Variants in ARPP21 observed in about 807,000 individuals in gnomAD.
ARPP21 encodes the protein cAMP regulated phosphoprotein 21.
Under a neutral mutation model 113.2 loss-of-function variants are expected in ARPP21, and 69 were observed. The ratio of observed to expected loss-of-function variants is 0.61; its 90% confidence interval spans 0.50 to 0.74. The LOEUF (loss-of-function observed/expected upper bound fraction) is 0.74, where lower values mean the gene tolerates loss of function less well. Among genes scored for constraint, ARPP21 ranks in the 30% least tolerant of loss-of-function variants. The pLI, the probability that ARPP21 is intolerant of heterozygous loss-of-function variation, is 0.00. For synonymous variants in ARPP21, 368 were observed against 375.5 expected (o/e 0.98, Z 0.23); for missense variants, 1,070 against 1,037.4 (o/e 1.03, Z -0.43).
chr3:35,664,085 G>A (rs917987918), intron 1 of ARPP21, among the ~76,000 whole-genome samples: 6 of 152,140 alleles, frequency 3.9e-5, no homozygotes, highest in Non-Finnish European at 5.9e-5. Flanking sequence ...AAAAAAGCTT[G>A]CAGACAATAT....
At chr3:35,653,596 A>C (rs1703446344) in intron 1 of ARPP21, among the ~76,000 whole-genome samples, 1 of 152,072 alleles carries the variant, frequency 6.6e-6, no homozygotes, top group African/African-American at 2.4e-5. Context: ...CCCCGGTGTC[A>C]TAGGAAGGGG....
intron 19 of ARPP21, among the ~76,000 whole-genome samples, chr3:35,768,826 G>T (rs2096082046): frequency 6.6e-6 from 1 of 152,136 alleles, no homozygotes; most frequent in Non-Finnish European, 1.5e-5. Flanking sequence ...CATGTTATCA[G>T]AGTATCCTTT....
chr3:35,739,905 G>A (rs969484818), intron 18 of ARPP21, among the ~76,000 whole-genome samples: 1 of 152,202 alleles, frequency 6.6e-6, no homozygotes, highest in Admixed American at 6.5e-5. Context: ...GGAAGGAAAA[G>A]CCTTGGGGAA....
At position 35,640,260 on chromosome 3, in the gene ARPP21, CAAA is replaced by C. The variant is rs1157732183; in HGVS notation, c.-349_-347del. ...ACAAACCCAACAACAACAACAACAACAAAAGCCAAGCCAAAAGCCAAAACAAAC... is the reference window on the plus strand; with the variant it reads ...ACAAACCCAACAACAACAACAACAACAGCCAAGCCAAAAGCCAAAACAAAC... On this transcript the variant is annotated 5_prime_UTR_variant, in exon 1 of 21. Coordinates refer to ENST00000684406, the MANE Select transcript of ARPP21 (RefSeq NM_001385562.1). 21 of 152,502 alleles carry C rather than the reference CAAA, an allele frequency of 1.4e-4. No homozygotes were observed. The highest frequency in any genetic ancestry group is 4.8e-4 in the African/African-American group (20 of 41,566). The allele number at this position is 152,502 out of a possible 1,614,324, so 9.4% of individuals were successfully genotyped here. A position where few individuals can be genotyped will look rare whatever the true frequency, so the allele number is the denominator to read the frequency against.
chr3:35,668,877 T>C (rs6785367), intron 1 of ARPP21, among the ~76,000 whole-genome samples: 16,883 of 152,168 alleles, frequency 0.11, 977 homozygotes, highest in Non-Finnish European at 0.13. Flanking sequence ...CTTTGAGGCA[T>C]AGAACACATT....
chr3:35,691,076 T>C (rs2082104436), intron 9 of ARPP21, 71 bp downstream of exon 9: 1 of 1,496,852 alleles, frequency 6.7e-7, no homozygotes, highest in Admixed American at 2.0e-5. Context: ...GATCACAGTA[T>C]AAAATTCACA....
intron 1 of ARPP21, among the ~76,000 whole-genome samples, chr3:35,671,568 A>C (rs9822184): frequency 0.029 from 4,436 of 152,210 alleles, 217 homozygotes; most frequent in African/African-American, 0.099. Context: ...GAGAAAAAAC[A>C]AAAGACCCTA....
intron 19 of ARPP21, among the ~76,000 whole-genome samples, chr3:35,790,791 C>T (rs956278996): frequency 6.6e-6 from 1 of 152,070 alleles, no homozygotes; most frequent in Non-Finnish European, 1.5e-5. Context: ...TAATTATATT[C>T]GTAATATGTG....
Position 35,690,068 on chromosome 3 carries a change from A to T in ARPP21, c.486-13A>T. Reference sequence around the variant, plus strand: ...ATACATAAAACCTTTTAAATTTAACATTTATTTTGCAGGGACAGGATGATA... The same window carrying T: ...ATACATAAAACCTTTTAAATTTAACTTTTATTTTGCAGGGACAGGATGATA... On this transcript the variant is annotated splice_polypyrimidine_tract_variant and intron_variant, in intron 7 of 20. Transcript: ENST00000684406. The T allele has an allele frequency of 8.4e-7, 1 of 1,196,594 alleles. No individual in the cohort carries two copies. The highest frequency in any genetic ancestry group is 1.5e-5 in the African/African-American group (1 of 67,016). 74.1% of individuals were successfully genotyped at this position (1,196,594 alleles called of 1,614,324 possible).
At chr3:35,747,841 G>A (rs948202159) in intron 19 of ARPP21, among the ~76,000 whole-genome samples, 2 of 151,884 alleles carry the variant, frequency 1.3e-5, no homozygotes, top group East Asian at 3.9e-4. Flanking sequence ...GAGCCTGGGA[G>A]GTTGAGACTG....
intron 13 of ARPP21, among the ~76,000 whole-genome samples, chr3:35,720,119 GCCAT>G: frequency 6.6e-6 from 1 of 152,166 alleles, no homozygotes; most frequent in Admixed American, 6.5e-5. Context: ...TCTAAAACCA[GCCAT>G]CCGTGTGGTA....
At chr3:35,740,671 A>G (rs912341152) in intron 18 of ARPP21, among the ~76,000 whole-genome samples, 1 of 152,222 alleles carries the variant, frequency 6.6e-6, no homozygotes, top group Non-Finnish European at 1.5e-5. Context: ...TAATAACTTC[A>G]AGCTTAATTA....
intron 19 of ARPP21, among the ~76,000 whole-genome samples, chr3:35,760,765 G>A (rs542178521): frequency 6.6e-5 from 10 of 152,144 alleles, no homozygotes; most frequent in Non-Finnish European, 1.3e-4. Flanking sequence ...TTTGCCATGG[G>A]AAAAAGTGCA....
chr3:35,680,112 C>A (rs899297281), intron 2 of ARPP21, among the ~76,000 whole-genome samples, 152 bp downstream of exon 2: 1 of 151,860 alleles, frequency 6.6e-6, no homozygotes, highest in Non-Finnish European at 1.5e-5. Context: ...AGAATTAGAG[C>A]TCAATTTGTT....
At position 35,721,837 on chromosome 3, in the gene ARPP21, A is replaced by T; in HGVS notation, c.1225+3A>T. 1 of 1,582,606 alleles carries T rather than the reference A, an allele frequency of 6.3e-7. No individual in the cohort carries two copies. Among genetic ancestry groups the T allele is most frequent in the Non-Finnish European group, 8.6e-7 (1 of 1,160,032 alleles). On this transcript the variant is annotated splice_donor_region_variant and intron_variant, in intron 14 of 20. Coordinates refer to ENST00000684406, the MANE Select transcript of ARPP21 (RefSeq NM_001385562.1). ...TACCGGGAAGCTGTCCAAAGCAGGT[A>T]GTTAGTACTGAATGTGTTTATGTCC...
chr3:35,659,833 G>A (rs936499054), intron 1 of ARPP21, among the ~76,000 whole-genome samples: 1 of 152,138 alleles, frequency 6.6e-6, no homozygotes, highest in Non-Finnish European at 1.5e-5. Context: ...ACTGATGGAG[G>A]GGCTTCCTGT....
chr3:35,660,049 T>A lies in ARPP21; in HGVS notation c.-213+19651T>A, dbSNP rs116648188. Among the ~76,000 whole-genome samples the A allele has an allele frequency of 6.1e-3, 935 of 152,272 alleles. 9 individuals are homozygous for A. The highest frequency in any genetic ancestry group is 0.021 in the African/African-American group (877 of 41,560). On this transcript the variant is annotated intron_variant, in intron 1 of 20. Transcript: ENST00000684406. ...GGCTTTGCCAAGGGACAGATCAATG[T>A]TCTAGCCCTGACAAGCCTTCCTGGC...
chr3:35,687,817 G>A lies in ARPP21; in HGVS notation c.340G>A (p.Glu114Lys), dbSNP rs755337793. 2 of 1,603,498 alleles carry A rather than the reference G, an allele frequency of 1.2e-6. No homozygotes were observed. The highest frequency in any genetic ancestry group is 1.7e-4 in the Middle Eastern group (1 of 6,006). ...ATCTAGGAAAGATGACTCTGAAAGA[G>A]AAAAAGAAAAGGATAAAAACAAAGA... ...DKSRKDDSER[E>K]KEKDKNKDKT... Residue 114 changes from glutamate (E) to lysine (K), a missense_variant, in exon 6 of 21, where the codon GAA becomes AAA. Transcript: ENST00000684406.
Position 35,769,020 on chromosome 3 carries a change from A to T in ARPP21, c.2138-23362A>T, listed in dbSNP as rs146621046. Among the ~76,000 whole-genome samples the T allele has an allele frequency of 3.9e-5, 6 of 152,322 alleles. No individual in the cohort carries two copies. In the East Asian group the frequency reaches 1.2e-3, roughly 29 times the overall value. On this transcript the variant is annotated intron_variant, in intron 19 of 20. Transcript: ENST00000684406. Reference sequence around the variant, plus strand: ...GGAAATGATTATCAATAATCCTTGAAGAAATTTCTTTCTCTCTCTTCCTCT... The same window carrying T: ...GGAAATGATTATCAATAATCCTTGATGAAATTTCTTTCTCTCTCTTCCTCT...
Sources: gnomAD v4.1 joint callset for allele counts (sites outside exome capture counted in the v4.1 genomes callset) on GRCh38, gnomAD v4.1.1 for gene constraint, MANE v1.5 for transcripts, NCBI Gene and HGNC (gene_info 2026-07-23, HGNC 2026-07-21) for gene names.